The following ASCC1 variants were observed in gnomAD, a reference collection of about 807,000 sequenced individuals.
ASCC1 encodes activating signal cointegrator 1 complex subunit 1.
Under a neutral mutation model 46.6 loss-of-function variants are expected in ASCC1, and 35 were observed. The observed-to-expected ratio is 0.75, with a 90% CI of 0.57 to 0.99. The LOEUF (loss-of-function observed/expected upper bound fraction) is 0.99. Among genes scored for constraint, ASCC1 ranks in the 50% least tolerant of loss-of-function variants. The probability of loss-of-function intolerance (pLI) is 0.00; values close to 1 mark genes in which losing one functional copy is unlikely to be tolerated. For missense variants in ASCC1, 376 were observed against 428.7 expected (o/e 0.88, Z 1.09); for synonymous variants, 143 against 146.6 (o/e 0.98, Z 0.18).
In ASCC1 at chr10:72,198,412, A is replaced by G. The variant is rs182133847; in HGVS notation, c.311-1423T>C. ...GGAAGGGAAGGGAAGGGAAGGAAGG[A>G]AAGAAAAGAAAGAAAGAAGGCAAGG... On this transcript the variant is annotated intron_variant, in intron 4 of 9. Transcript: ENST00000672957. 8 of 323,474 alleles carry G rather than the reference A, an allele frequency of 2.5e-5. No homozygotes were observed. In the East Asian group the frequency reaches 5.7e-4, roughly 23 times the overall value. 20.0% of individuals were successfully genotyped at this position (323,474 alleles called of 1,614,324 possible). A position where few individuals can be genotyped will look rare whatever the true frequency, so the allele number is the denominator to read the frequency against.
chr10:72,216,088 C>G (rs1461563516), intron 1 of ASCC1, 119 bp downstream of exon 1: 1 of 152,370 alleles, frequency 6.6e-6, no homozygotes, highest in Non-Finnish European at 1.5e-5. Context: ...CGCAGCCACT[C>G]AGGCTGGTCC....
intron 5 of ASCC1, among the ~76,000 whole-genome samples, chr10:72,174,528 T>C (rs776859210): frequency 2.6e-5 from 4 of 152,132 alleles, no homozygotes; most frequent in African/African-American, 7.2e-5. Context: ...TCTCCAGACA[T>C]AGACCTGTAA....
At chr10:72,160,350 A>C (rs982649781) in intron 6 of ASCC1, among the ~76,000 whole-genome samples, 1 of 152,210 alleles carries the variant, frequency 6.6e-6, no homozygotes, top group Non-Finnish European at 1.5e-5. Context: ...AAACTATTTG[A>C]GTGAATTGGC....
chr10:72,177,514 A>G (rs1852002520), intron 5 of ASCC1, among the ~76,000 whole-genome samples: 1 of 152,228 alleles, frequency 6.6e-6, no homozygotes, highest in Non-Finnish European at 1.5e-5. Context: ...CCATGTTACA[A>G]TATGAGCAGA....
intron 9 of ASCC1, among the ~76,000 whole-genome samples, chr10:72,125,325 G>A (rs1034110879): frequency 2.0e-5 from 3 of 152,060 alleles, no homozygotes; most frequent in Non-Finnish European, 2.9e-5. Flanking sequence ...TGCTGCACAC[G>A]TATGCCTGGG....
intron 7 of ASCC1, among the ~76,000 whole-genome samples, chr10:72,140,693 T>C (rs1846859174): frequency 6.6e-6 from 1 of 152,162 alleles, no homozygotes; most frequent in Admixed American, 6.5e-5. Flanking sequence ...AAGGAACTGT[T>C]TAATTTTCAC....
At chr10:72,202,943 A>G (rs771874945) in intron 4 of ASCC1, among the ~76,000 whole-genome samples, 2 of 152,168 alleles carry the variant, frequency 1.3e-5, no homozygotes, top group African/African-American at 4.8e-5. Flanking sequence ...ATAAGGTTAT[A>G]TAATTCCATC....
chr10:72,160,493 G>A (rs998587425), intron 6 of ASCC1, among the ~76,000 whole-genome samples: 9 of 151,882 alleles, frequency 5.9e-5, no homozygotes, highest in African/African-American at 2.2e-4. Flanking sequence ...AGTAAAAAAA[G>A]AATAACAACT....
intron 7 of ASCC1, among the ~76,000 whole-genome samples, chr10:72,146,392 A>G (rs1668157): frequency 0.53 from 80,157 of 152,096 alleles, 23,869 homozygotes; most frequent in African/African-American, 0.82. Flanking sequence ...AATAAGTAAA[A>G]GGATTAGTCT....
At chr10:72,112,054 T>C (rs892489584) in intron 9 of ASCC1, among the ~76,000 whole-genome samples, 2 of 152,220 alleles carry the variant, frequency 1.3e-5, no homozygotes, top group East Asian at 3.8e-4. Context: ...CACTTAGCCA[T>C]TGTTGATACA....
chr10:72,099,950 GC>G (rs1841549448), intron 9 of ASCC1, among the ~76,000 whole-genome samples: 1 of 152,142 alleles, frequency 6.6e-6, no homozygotes, highest in Non-Finnish European at 1.5e-5. Context: ...TATTTCCGTA[GC>G]AATATGGTAT....
intron 5 of ASCC1, among the ~76,000 whole-genome samples, chr10:72,181,484 A>C (rs1852612625): frequency 6.6e-6 from 1 of 152,190 alleles, no homozygotes; most frequent in Admixed American, 6.5e-5. Flanking sequence ...ACAAAATAGA[A>C]GCTGAAATTT....
intron 7 of ASCC1, among the ~76,000 whole-genome samples, chr10:72,148,728 A>G (rs979208182): frequency 3.3e-5 from 5 of 152,214 alleles, no homozygotes; most frequent in Admixed American, 3.3e-4. Context: ...TTTCTAAATA[A>G]CTGATGTTAG....
At chr10:72,208,794 T>C (rs1290638400) in intron 3 of ASCC1, among the ~76,000 whole-genome samples, 2 of 151,922 alleles carry the variant, frequency 1.3e-5, no homozygotes, top group Non-Finnish European at 2.9e-5. Context: ...TTTGTGTGTG[T>C]GTGTGTGTAG....
chr10:72,116,641 T>C (rs1843525067), intron 9 of ASCC1, among the ~76,000 whole-genome samples: 2 of 152,242 alleles, frequency 1.3e-5, no homozygotes, highest in South Asian at 4.1e-4. Context: ...CAGTTCACGA[T>C]TTCCCTCTTC....
chr10:72,200,626 T>C (rs1164661147), intron 4 of ASCC1, among the ~76,000 whole-genome samples: 5 of 148,248 alleles, frequency 3.4e-5, no homozygotes, highest in Non-Finnish European at 4.4e-5. Flanking sequence ...ATCATGCCAA[T>C]GCACTCCAGC....
intron 5 of ASCC1, among the ~76,000 whole-genome samples, chr10:72,173,580 C>T (rs1284725182): frequency 2.0e-5 from 3 of 152,190 alleles, no homozygotes; most frequent in African/African-American, 7.2e-5. Context: ...AGTAACTCCA[C>T]TGGACAGTCT....
At chr10:72,179,884 A>C (rs561262147) in intron 5 of ASCC1, among the ~76,000 whole-genome samples, 1 of 152,366 alleles carries the variant, frequency 6.6e-6, no homozygotes, top group African/African-American at 2.4e-5. Context: ...AGCTTTATTC[A>C]TAATATCCCA....
At chr10:72,110,558 G>C (rs1842814833) in intron 9 of ASCC1, among the ~76,000 whole-genome samples, 1 of 151,982 alleles carries the variant, frequency 6.6e-6, no homozygotes, top group African/African-American at 2.4e-5. Context: ...GGAGGCCGAG[G>C]TGGGTGGATC....
Sources: allele counts gnomAD v4.1 joint callset (sites outside exome capture counted in the v4.1 genomes callset), GRCh38; gene constraint gnomAD v4.1.1; transcripts MANE v1.5; gene names NCBI Gene and HGNC (gene_info 2026-07-23, HGNC 2026-07-21).